Variants in VTA1 observed in about 807,000 individuals in gnomAD.
VTA1 encodes the protein vacuolar protein sorting-associated protein VTA1 homolog.
Under a neutral mutation model 36.9 loss-of-function variants are expected in VTA1, and 24 were observed. That is an observed-to-expected ratio of 0.65 (90% CI 0.47 to 0.91). VTA1 has a LOEUF of 0.91. VTA1 is among the 40% of genes least tolerant of loss of function. The probability of loss-of-function intolerance (pLI) is 0.00; values close to 1 mark genes in which losing one functional copy is unlikely to be tolerated. For missense variants in VTA1, 393 were observed against 377.2 expected (o/e 1.04, Z -0.35); for synonymous variants, 142 against 130.2 (o/e 1.09, Z -0.62).
At chr6:142,185,570 C>A (rs896080810) in intron 4 of VTA1, among the ~76,000 whole-genome samples, 1 of 152,134 alleles carries the variant, frequency 6.6e-6, no homozygotes, top group Non-Finnish European at 1.5e-5. Context: ...GCATTTGTAG[C>A]CCTTCAATTC....
At chr6:142,177,696 G>T (rs556799989) in intron 4 of VTA1, among the ~76,000 whole-genome samples, 1 of 152,066 alleles carries the variant, frequency 6.6e-6, no homozygotes, top group African/African-American at 2.4e-5. Context: ...AAATCAGTTC[G>T]TGTAGTCCAT....
At chr6:142,194,292 G>T (rs1775505866) in intron 5 of VTA1, among the ~76,000 whole-genome samples, 1 of 144,970 alleles carries the variant, frequency 6.9e-6, no homozygotes, top group African/African-American at 2.4e-5. Context: ...ATAAATTTTA[G>T]AATTAGATTT....
chr6:142,214,579 A>T (rs1449287157), intron 7 of VTA1, among the ~76,000 whole-genome samples: 6 of 152,180 alleles, frequency 3.9e-5, no homozygotes, highest in Non-Finnish European at 7.3e-5. Context: ...TTGGATGGGG[A>T]CACAAATCCA....
At chr6:142,203,152 A>G (rs532273248) in intron 6 of VTA1, among the ~76,000 whole-genome samples, 1 of 152,094 alleles carries the variant, frequency 6.6e-6, no homozygotes, top group East Asian at 1.9e-4. Context: ...ATATATATCC[A>G]TCCCCCTAGA....
At chr6:142,193,786 A>C (rs1775496283) in intron 5 of VTA1, among the ~76,000 whole-genome samples, 1 of 151,876 alleles carries the variant, frequency 6.6e-6, no homozygotes, top group African/African-American at 2.4e-5. Flanking sequence ...CACTAGAAGC[A>C]GTTTGCTTTC....
At position 142,224,466 on chromosome 6, in the gene VTA1, T is replaced by C. The variant is rs1206077526; in HGVS notation, c.*5823T>C. The C allele has an allele frequency of 2.0e-5, 3 of 152,218 alleles. No homozygotes were observed. The highest frequency in any genetic ancestry group is 4.4e-5 in the Non-Finnish European group (3 of 68,028). The allele number at this position is 152,218 out of a possible 1,614,324, so 9.4% of individuals were successfully genotyped here. On this transcript the variant is annotated 3_prime_UTR_variant, in exon 8 of 8. Coordinates refer to ENST00000367630, the MANE Select transcript of VTA1 (RefSeq NM_016485.5). ...CAACAGTAACTTGACAAAATTACTA[T>C]TGATCACTTAACTTTATGTATCACG...
intron 1 of VTA1, among the ~76,000 whole-genome samples, chr6:142,164,051 G>A (rs1774864353): frequency 2.0e-5 from 3 of 152,128 alleles, no homozygotes; most frequent in Admixed American, 2.0e-4. Flanking sequence ...AGCATAGGGT[G>A]TTGGCTCTCT....
chr6:142,199,370 A>G (rs1197413092), intron 6 of VTA1, among the ~76,000 whole-genome samples: 4 of 152,144 alleles, frequency 2.6e-5, no homozygotes, highest in Non-Finnish European at 5.9e-5. Context: ...ACTTGCAGCT[A>G]TAATTTAAAT....
rs928875245 is a variant in VTA1, at chr6:142,219,911, C to G, written c.*1268C>G. ...TTATGTTTTGTCTGTGGTTGCTTTC[C>G]ACAACTGCAGAGTTGTATGGCTTGC... On this transcript the variant is annotated 3_prime_UTR_variant, in exon 8 of 8. Coordinates refer to ENST00000367630, the MANE Select transcript of VTA1 (RefSeq NM_016485.5). 6.6e-6 allele frequency: 1 copy of G among 152,122 alleles called. No homozygotes were observed. The highest frequency in any genetic ancestry group is 6.5e-5 in the Admixed American group (1 of 15,278). 9.4% of individuals were successfully genotyped at this position (152,122 alleles called of 1,614,324 possible).
At chr6:142,187,402 C>T (rs1455243764) in intron 4 of VTA1, among the ~76,000 whole-genome samples, 5 of 152,098 alleles carry the variant, frequency 3.3e-5, no homozygotes, top group African/African-American at 1.2e-4. Context: ...GTAGACTAGG[C>T]AGTTGATATT....
At position 142,170,901 on chromosome 6, in the gene VTA1, C is replaced by T. The variant is rs755604352; in HGVS notation, c.411+480C>T. On this transcript the variant is annotated intron_variant, in intron 4 of 7. Transcript: ENST00000367630. ...TCAGCCTCCCAAAGTGCTGGAATTA[C>T]AGGTGTGAACCCCATTGCACCTGGC... is the stretch of plus-strand genomic sequence containing the variant. 3.3e-5 allele frequency among the ~76,000 whole-genome samples: 5 copies of T among 152,170 alleles called. No individual in the cohort carries two copies. The East Asian group carries it at 7.7e-4, about 23-fold the overall frequency.
chr6:142,181,705 T>G (rs1417560579), intron 4 of VTA1, among the ~76,000 whole-genome samples: 2 of 151,962 alleles, frequency 1.3e-5, no homozygotes, highest in Non-Finnish European at 2.9e-5. Context: ...TGGAAATCTT[T>G]TGTTTACTTG....
Position 142,212,760 on chromosome 6 carries a change from G to A in VTA1, c.779-5738G>A, listed in dbSNP as rs562857179. Among the ~76,000 whole-genome samples the A allele has an allele frequency of 3.5e-4, 53 of 152,264 alleles. 2 individuals are homozygous for A. In the South Asian group the frequency reaches 0.011, roughly 30 times the overall value. ...AAGCAGGCATCTTCCTCACATGGCA[G>A]CAGGAGACAGAGAGGGAAGGGGGAA... On this transcript the variant is annotated intron_variant, in intron 7 of 7. Transcript: ENST00000367630.
At chr6:142,187,908 CTTTCT>C (rs1775371601) in intron 4 of VTA1, among the ~76,000 whole-genome samples, 1 of 115,634 alleles carries the variant, frequency 8.6e-6, no homozygotes, top group Middle Eastern at 4.8e-3. Context: ...AGGATACTTT[CTTTCT>C]TTTTTTTTTT....
intron 5 of VTA1, among the ~76,000 whole-genome samples, chr6:142,189,973 G>A (rs1253944298): frequency 3.9e-5 from 6 of 152,012 alleles, no homozygotes; most frequent in Non-Finnish European, 8.8e-5. Flanking sequence ...TAGACAGGAT[G>A]GTCTCGATCT....
At chr6:142,192,452 A>T (rs1775472952) in intron 5 of VTA1, among the ~76,000 whole-genome samples, 1 of 152,118 alleles carries the variant, frequency 6.6e-6, no homozygotes, top group South Asian at 2.1e-4. Context: ...AGAATTAATG[A>T]TATAAAAAAA....
At chr6:142,171,733 A>G (rs935588954) in intron 4 of VTA1, among the ~76,000 whole-genome samples, 3 of 152,188 alleles carry the variant, frequency 2.0e-5, no homozygotes. Context: ...AGATTGATAC[A>G]TATGTGTTAT....
At chr6:142,148,816 G>A (rs1778510343) in intron 1 of VTA1, among the ~76,000 whole-genome samples, 1 of 152,148 alleles carries the variant, frequency 6.6e-6, no homozygotes, top group African/African-American at 2.4e-5. Flanking sequence ...GGCATACCTT[G>A]CACCATCTGG....
chr6:142,195,199 A>T (rs1775521200), intron 5 of VTA1, among the ~76,000 whole-genome samples: 1 of 152,126 alleles, frequency 6.6e-6, no homozygotes, highest in Non-Finnish European at 1.5e-5. Context: ...TTCACTGCTT[A>T]TTCCATCTAG....
Sources: allele counts gnomAD v4.1 joint callset (sites outside exome capture counted in the v4.1 genomes callset), GRCh38; gene constraint gnomAD v4.1.1; transcripts MANE v1.5; gene names NCBI Gene and HGNC (gene_info 2026-07-23, HGNC 2026-07-21).